The following NDST3 variants were observed in gnomAD, a reference collection of about 807,000 sequenced individuals.
NDST3 encodes bifunctional heparan sulfate N-deacetylase/N-sulfotransferase 3.
A neutral mutation model predicts 96.1 loss-of-function variants in NDST3; 58 were observed. That is an observed-to-expected ratio of 0.60 (90% CI 0.49 to 0.75). NDST3 has a LOEUF of 0.75. Ranked by LOEUF, NDST3 falls within the 30% of genes least tolerant of loss-of-function variation. The probability of loss-of-function intolerance (pLI) is 0.00; values close to 1 mark genes in which losing one functional copy is unlikely to be tolerated. For synonymous variants in NDST3, 333 were observed against 359.7 expected, an observed-to-expected ratio of 0.93 and a Z score of 0.84; for missense variants, 788 against 1,034.2, an observed-to-expected ratio of 0.76 and a Z score of 3.27.
chr4:118,194,434 G>C (rs745687666), intron 6 of NDST3: 9 of 735,056 alleles, frequency 1.2e-5, no homozygotes, highest in Non-Finnish European at 2.3e-5. Context: ...ATTCTGGTTT[G>C]CAGGTGATAT....
intron 1 of NDST3, among the ~76,000 whole-genome samples, chr4:118,053,287 A>C (rs996241317): frequency 6.6e-6 from 1 of 152,018 alleles, no homozygotes; most frequent in Non-Finnish European, 1.5e-5. Context: ...ATGTGTATAC[A>C]ATGATAAAAT....
chr4:118,173,237 T>C (rs964468821), intron 6 of NDST3, among the ~76,000 whole-genome samples: 3 of 152,082 alleles, frequency 2.0e-5, no homozygotes, highest in African/African-American at 7.2e-5. Flanking sequence ...AAACTGAAAA[T>C]TCTAATAGAT....
intron 4 of NDST3, among the ~76,000 whole-genome samples, chr4:118,119,266 G>A (rs886929652): frequency 5.9e-5 from 9 of 151,902 alleles, no homozygotes; most frequent in Non-Finnish European, 8.8e-5. Context: ...TTTCCAATAT[G>A]GAAATAAAGA....
At chr4:118,123,332 T>C (rs1560659441) in intron 4 of NDST3, among the ~76,000 whole-genome samples, 2 of 152,268 alleles carry the variant, frequency 1.3e-5, no homozygotes, top group South Asian at 4.1e-4. Flanking sequence ...CCTTGCATAT[T>C]TTCAGGGAGA....
In NDST3 at chr4:118,088,791, G is replaced by A. The variant is rs112608942; in HGVS notation, c.982-16227G>A. Among the ~76,000 whole-genome samples the A allele has an allele frequency of 4.9e-4, 74 of 152,112 alleles. 1 individual carries two copies. Among genetic ancestry groups the A allele is most frequent in the African/African-American group, 1.6e-3 (66 of 41,552 alleles). On this transcript the variant is annotated intron_variant, in intron 2 of 13. Transcript: ENST00000296499. ...AGAAAAATTAAGAACAAGACGGATA[G>A]TAACTTTCTTGACAGTTATGCCTTG...
At chr4:118,102,895 T>C (rs553166309) in intron 2 of NDST3, among the ~76,000 whole-genome samples, 1 of 152,260 alleles carries the variant, frequency 6.6e-6, no homozygotes, top group South Asian at 2.1e-4. Context: ...TGTTTCAATG[T>C]ATCTTTTATG....
intron 12 of NDST3, among the ~76,000 whole-genome samples, chr4:118,246,593 C>T (rs959865658): frequency 2.6e-5 from 4 of 151,362 alleles, no homozygotes; most frequent in South Asian, 2.1e-4. Context: ...GGAACAAGAG[C>T]GAAACTCCAT....
chr4:118,198,794 T>A (rs899538781), intron 6 of NDST3, among the ~76,000 whole-genome samples: 14 of 152,186 alleles, frequency 9.2e-5, no homozygotes, highest in Admixed American at 7.2e-4. Context: ...TCTTTATTTT[T>A]TCTTCATTCT....
intron 6 of NDST3, among the ~76,000 whole-genome samples, chr4:118,220,041 AT>A (rs1739434063): frequency 6.6e-6 from 1 of 152,168 alleles, no homozygotes; most frequent in South Asian, 2.1e-4. Context: ...TAGTTCAACC[AT>A]TGTGGAAGAC....
chr4:118,034,619 T>G (rs984862575), intron 1 of NDST3, 27 bp downstream of exon 1: 7 of 152,344 alleles, frequency 4.6e-5, no homozygotes, highest in Non-Finnish European at 8.8e-5. Flanking sequence ...ATTTATACTG[T>G]GCATTAATGC....
chr4:118,088,090 T>A (rs1728577699), intron 2 of NDST3, among the ~76,000 whole-genome samples: 1 of 152,076 alleles, frequency 6.6e-6, no homozygotes, highest in South Asian at 2.1e-4. Flanking sequence ...AGCCACTAAC[T>A]TGAATTTTTT....
intron 6 of NDST3, among the ~76,000 whole-genome samples, chr4:118,213,216 T>C (rs910189142): frequency 6.6e-6 from 1 of 152,170 alleles, no homozygotes; most frequent in African/African-American, 2.4e-5. Context: ...CGAACATAAA[T>C]TGTCACCATT....
chr4:118,213,255 T>C (rs1247247828), intron 6 of NDST3, among the ~76,000 whole-genome samples: 1 of 152,190 alleles, frequency 6.6e-6, no homozygotes. Flanking sequence ...GCTCTTCCTT[T>C]ATGATTTGTT....
intron 6 of NDST3, among the ~76,000 whole-genome samples, chr4:118,146,330 T>C (rs1733939936): frequency 6.6e-6 from 1 of 152,228 alleles, no homozygotes; most frequent in Non-Finnish European, 1.5e-5. Flanking sequence ...TATCGTTTAC[T>C]ACAAAAAGAT....
intron 1 of NDST3, among the ~76,000 whole-genome samples, chr4:118,038,566 A>C (rs902828329): frequency 2.6e-5 from 4 of 152,216 alleles, no homozygotes; most frequent in African/African-American, 9.6e-5. Flanking sequence ...GCAGGGTTTA[A>C]TTAACATGAC....
intron 1 of NDST3, among the ~76,000 whole-genome samples, chr4:118,039,653 C>T (rs182368173): frequency 6.6e-6 from 1 of 152,192 alleles, no homozygotes; most frequent in East Asian, 1.9e-4. Context: ...TAAGGGGGAT[C>T]AGGGAAGACT....
Position 118,138,189 on chromosome 4 carries a change from C to G in NDST3, c.1360C>G (p.His454Asp). The G allele has an allele frequency of 6.2e-7, 1 of 1,613,990 alleles. No homozygotes were observed. The highest frequency in any genetic ancestry group is 1.7e-5 in the Admixed American group (1 of 60,004). ...IKITSTEEYPHLKPARYRRGF... is the reference protein window; with the variant it reads ...IKITSTEEYPDLKPARYRRGF... The stretch of plus-strand genomic sequence containing the variant: ...AATCACCAGCACTGAAGAATATCCA[C>G]ATCTGAAGCCAGCTAGATACCGGAG... Residue 454 changes from histidine to aspartate, a missense_variant, in exon 5 of 14, where the codon CAT (histidine) becomes GAT (aspartate). Transcript: ENST00000296499.
At chr4:118,214,895 A>T (rs1220117359) in intron 6 of NDST3, among the ~76,000 whole-genome samples, 2 of 152,172 alleles carry the variant, frequency 1.3e-5, no homozygotes, top group East Asian at 3.8e-4. Flanking sequence ...CTGTCTGTAA[A>T]GATTCATTCA....
At chr4:118,055,916 A>C (rs1725399342) in intron 2 of NDST3, among the ~76,000 whole-genome samples, 1 of 151,996 alleles carries the variant, frequency 6.6e-6, no homozygotes, top group Admixed American at 6.6e-5. Flanking sequence ...CAGAAGGACC[A>C]TTAAATGTTA....
Sources: allele counts gnomAD v4.1 joint callset (sites outside exome capture counted in the v4.1 genomes callset), GRCh38; gene constraint gnomAD v4.1.1; transcripts MANE v1.5; gene names NCBI Gene and HGNC (gene_info 2026-07-23, HGNC 2026-07-21).